The following LCLAT1 variants were observed in gnomAD, a reference collection of about 807,000 sequenced individuals.
LCLAT1 encodes 1-AGP acyltransferase 8.
LCLAT1 carries 11 observed loss-of-function variants against 30.7 expected under a neutral mutation model. That is an observed-to-expected ratio of 0.36 (90% CI 0.23 to 0.59). The LOEUF (loss-of-function observed/expected upper bound fraction) is 0.59. Among genes scored for constraint, LCLAT1 ranks in the 20% least tolerant of loss-of-function variants. The pLI is 0.77. For missense variants in LCLAT1, 402 were observed against 458.6 expected, an observed-to-expected ratio of 0.88 and a Z score of 1.13; for synonymous variants, 155 against 151.3, an observed-to-expected ratio of 1.02 and a Z score of -0.18.
At chr2:30,630,094 G>T (rs1180896297) in intron 5 of LCLAT1, among the ~76,000 whole-genome samples, 2 of 152,162 alleles carry the variant, frequency 1.3e-5, no homozygotes, top group Non-Finnish European at 2.9e-5. Context: ...GGCGAGGTCA[G>T]CTTTTCCTGA....
At chr2:30,576,464 G>A (rs2148460576) in intron 5 of LCLAT1, among the ~76,000 whole-genome samples, 1 of 152,222 alleles carries the variant, frequency 6.6e-6, no homozygotes, top group South Asian at 2.1e-4. Flanking sequence ...CTCGTTTGCA[G>A]TAAAATAGAG....
At position 30,456,736 on chromosome 2, in the gene LCLAT1, A is replaced by G. The variant is rs191503962; in HGVS notation, c.-5+9353A>G. 1.1e-3 allele frequency among the ~76,000 whole-genome samples: 166 copies of G among 152,028 alleles called. 1 individual carries two copies. Among genetic ancestry groups the G allele is most frequent in the Admixed American group, 3.1e-3 (47 of 15,284 alleles). The stretch of plus-strand genomic sequence containing the variant: ...GAAAACCCAGGGAACTCACCACCAT[A>G]TTTTCCATGGGTCCCAAGGTCCCTA... On this transcript the variant is annotated intron_variant, in intron 1 of 5. Coordinates refer to ENST00000379509, the MANE Select transcript of LCLAT1 (RefSeq NM_001002257.3).
At chr2:30,455,796 G>A (rs1681803088) in intron 1 of LCLAT1, among the ~76,000 whole-genome samples, 1 of 151,122 alleles carries the variant, frequency 6.6e-6, no homozygotes, top group Non-Finnish European at 1.5e-5. Flanking sequence ...TATAGTCCTA[G>A]CTACTTGGGA....
chr2:30,580,725 A>T (rs1666176355), intron 5 of LCLAT1, among the ~76,000 whole-genome samples: 1 of 152,168 alleles, frequency 6.6e-6, no homozygotes, highest in South Asian at 2.1e-4. Flanking sequence ...TAGGAGCAGA[A>T]ATCAGGTTAA....
intron 5 of LCLAT1, among the ~76,000 whole-genome samples, chr2:30,570,233 G>C (rs527344750): frequency 5.3e-5 from 8 of 152,188 alleles, no homozygotes; most frequent in Non-Finnish European, 1.2e-4. Context: ...AGTTGTGACA[G>C]CTGGTCTCCC....
At chr2:30,511,592 G>A (rs1306377423) in intron 1 of LCLAT1, among the ~76,000 whole-genome samples, 1 of 152,196 alleles carries the variant, frequency 6.6e-6, no homozygotes, top group Non-Finnish European at 1.5e-5. Context: ...AACTGGCATA[G>A]GACCAAAGAT....
At chr2:30,638,452 C>T (rs954141197) in intron 5 of LCLAT1, among the ~76,000 whole-genome samples, 1 of 152,188 alleles carries the variant, frequency 6.6e-6, no homozygotes, top group African/African-American at 2.4e-5. Context: ...TCACAGGCAA[C>T]GACTGTTCTG....
At chr2:30,538,935 C>G (rs1663964017) in intron 3 of LCLAT1, among the ~76,000 whole-genome samples, 1 of 151,496 alleles carries the variant, frequency 6.6e-6, no homozygotes, top group Admixed American at 6.6e-5. Context: ...GGCTTCACTA[C>G]TGAATTCTAC....
intron 5 of LCLAT1, among the ~76,000 whole-genome samples, chr2:30,584,964 A>G (rs1666367113): frequency 6.6e-6 from 1 of 151,812 alleles, no homozygotes; most frequent in African/African-American, 2.4e-5. Context: ...AAAAAAAAAA[A>G]AAACCCTCTA....
intron 5 of LCLAT1, among the ~76,000 whole-genome samples, chr2:30,575,647 AT>A (rs1038276305): frequency 6.6e-6 from 1 of 151,976 alleles, no homozygotes; most frequent in Non-Finnish European, 1.5e-5. Context: ...AAAAGAGTAC[AT>A]TTTTTTTCTA....
chr2:30,624,928 C>T (rs972503293), intron 5 of LCLAT1, among the ~76,000 whole-genome samples: 4 of 152,126 alleles, frequency 2.6e-5, no homozygotes, highest in Non-Finnish European at 5.9e-5. Context: ...CAGACCACAA[C>T]AGAATAAAAC....
intron 1 of LCLAT1, among the ~76,000 whole-genome samples, chr2:30,499,823 G>A (rs1366268939): frequency 6.6e-6 from 1 of 152,090 alleles, no homozygotes; most frequent in Non-Finnish European, 1.5e-5. Context: ...ACCAAATAAA[G>A]TCTTTTTTTG....
At chr2:30,564,033 A>G (rs941107483) in intron 4 of LCLAT1, among the ~76,000 whole-genome samples, 1 of 152,188 alleles carries the variant, frequency 6.6e-6, no homozygotes, top group Non-Finnish European at 1.5e-5. Context: ...GTTGGATCAC[A>G]GAGGATAATA....
At chr2:30,544,457 C>T (rs1021773191) in intron 3 of LCLAT1, among the ~76,000 whole-genome samples, 17 of 152,168 alleles carry the variant, frequency 1.1e-4, no homozygotes, top group Non-Finnish European at 2.1e-4. Flanking sequence ...CTGAGTCTTT[C>T]TTTCTTCAAT....
chr2:30,483,571 T>C (rs1325447970), intron 1 of LCLAT1, among the ~76,000 whole-genome samples: 2 of 152,128 alleles, frequency 1.3e-5, no homozygotes, highest in Admixed American at 6.6e-5. Flanking sequence ...GCAAAGTGTC[T>C]GGCATAGTGA....
At chr2:30,571,511 ACT>A (rs201278655) in intron 5 of LCLAT1, among the ~76,000 whole-genome samples, 998 of 152,328 alleles carry the variant, frequency 6.6e-3, no homozygotes, top group African/African-American at 0.023. Flanking sequence ...TTACTGCACA[ACT>A]AGCTAACAGT....
intron 1 of LCLAT1, among the ~76,000 whole-genome samples, chr2:30,505,746 C>T (rs1456113609): frequency 6.6e-6 from 1 of 152,118 alleles, no homozygotes; most frequent in Non-Finnish European, 1.5e-5. Context: ...TATAATGTAG[C>T]TTATCTGTTT....
At chr2:30,543,815 C>G (rs966228344) in intron 3 of LCLAT1, among the ~76,000 whole-genome samples, 15 of 151,968 alleles carry the variant, frequency 9.9e-5, no homozygotes, top group African/African-American at 3.6e-4. Flanking sequence ...GTTTGCCCCT[C>G]TCCCCTAAAA....
intron 1 of LCLAT1, among the ~76,000 whole-genome samples, chr2:30,506,677 C>G (rs1391563386): frequency 6.6e-6 from 1 of 152,064 alleles, no homozygotes; most frequent in Admixed American, 6.5e-5. Context: ...AATAAAGAAA[C>G]ATACCATTTC....
Sources: allele counts gnomAD v4.1 joint callset (sites outside exome capture counted in the v4.1 genomes callset), GRCh38; gene constraint gnomAD v4.1.1; transcripts MANE v1.5; gene names NCBI Gene and HGNC (gene_info 2026-07-23, HGNC 2026-07-21).